ACAN: variants seen among roughly 807,000 people sequenced by gnomAD.
ACAN encodes aggrecan.
A neutral mutation model predicts 169.1 loss-of-function variants in ACAN; 47 were observed. That is an observed-to-expected ratio of 0.28 (90% CI 0.22 to 0.35). The LOEUF (loss-of-function observed/expected upper bound fraction) is 0.35. Ranked by LOEUF, ACAN falls within the 10% of genes least tolerant of loss-of-function variation. ACAN has a pLI of 1.00. For missense variants in ACAN, 2,716 were observed against 2,759.9 expected, an observed-to-expected ratio of 0.98 and a Z score of 0.36; for synonymous variants, 1,115 against 1,112.2, an observed-to-expected ratio of 1.00 and a Z score of -0.05.
At chr15:88,813,829 C>T (rs985770078) in intron 1 of ACAN, among the ~76,000 whole-genome samples, 1 of 151,566 alleles carries the variant, frequency 6.6e-6, no homozygotes, top group African/African-American at 2.4e-5. Flanking sequence ...CACCTCTTCT[C>T]AGCCACTAGG....
chr15:88,874,840 T>C lies in ACAN; in HGVS notation c.*359T>C, dbSNP rs1380795577. 2.2e-5 allele frequency: 8 copies of C among 364,430 alleles called. No individual in the cohort carries two copies. The highest frequency in any genetic ancestry group is 4.3e-5 in the Non-Finnish European group (8 of 187,476). 22.6% of individuals were successfully genotyped at this position (364,430 alleles called of 1,614,324 possible). On this transcript the variant is annotated 3_prime_UTR_variant, in exon 19 of 19. Coordinates refer to ENST00000560601, the MANE Select transcript of ACAN (RefSeq NM_001369268.1). The surrounding 1 kb of genome is among the most constrained non-coding windows in gnomAD (Gnocchi z 7.3). ...GAAGATTATTTTTGTTTCCTGACTT[T>C]ATCCAAGAGCAGTGCAATCGTTGGT...
chr15:88,874,865 T>C lies in ACAN; in HGVS notation c.*384T>C. The C allele has an allele frequency of 2.8e-6, 1 of 352,812 alleles. No homozygotes were observed. The highest frequency in any genetic ancestry group is 5.5e-6 in the Non-Finnish European group (1 of 180,398). 21.9% of individuals were successfully genotyped at this position (352,812 alleles called of 1,614,324 possible). On this transcript the variant is annotated 3_prime_UTR_variant, in exon 19 of 19. Coordinates refer to ENST00000560601, the MANE Select transcript of ACAN (RefSeq NM_001369268.1). This position sits in a 1 kb window ranked among gnomAD's most constrained non-coding sequence, Gnocchi z 7.3. ...TATCCAAGAGCAGTGCAATCGTTGG[T>C]TATTTCACCTCCAGGGAGAGCTAGG...
chr15:88,845,740 CG>C lies in ACAN; in HGVS notation c.1288del (p.Ala430LeufsTer36). ...FAPEIGATAF[A>X]EVENETGEAT... ...CCCCTGAAATAGGGGCCACTGCCTT[CG>C]CTGAGGTTGAGAATGAGACTGGAGA... On this transcript the variant is annotated frameshift_variant, in exon 7 of 19. Coordinates refer to ENST00000560601, the MANE Select transcript of ACAN (RefSeq NM_001369268.1). LOFTEE classifies it high-confidence loss of function. 6.2e-7 allele frequency: 1 copy of C among 1,613,546 alleles called. No individual in the cohort carries two copies. The highest frequency in any genetic ancestry group is 2.2e-5 in the East Asian group (1 of 44,870).
At position 88,840,099 on chromosome 15, in the gene ACAN, T is replaced by A. The variant is rs199602867; in HGVS notation, c.542T>A (p.Ile181Asn). 94 of 1,605,382 alleles carry A rather than the reference T, an allele frequency of 5.9e-5. No individual in the cohort carries two copies. Among genetic ancestry groups the A allele is most frequent in the Non-Finnish European group, 7.9e-5 (93 of 1,176,056 alleles). Residue 181 changes from isoleucine to asparagine, a missense_variant, in exon 4 of 19, where the codon ATC becomes AAC. Physicochemically the swap from Ile to Asn is moderately radical, Grantham distance 149. Transcript: ENST00000560601. ...CGGGCCTGCCTGCAGAACAGTGCCA[T>A]CATTGCCACGCCTGAGCAGCTGCAG... ...AQRACLQNSAIIATPEQLQAA... is the reference protein window; with the variant it reads ...AQRACLQNSANIATPEQLQAA...
Position 88,858,823 on chromosome 15 carries a change from A to C in ACAN, c.6238A>C (p.Ser2080Arg). 1.2e-6 allele frequency: 2 copies of C among 1,613,764 alleles called. No homozygotes were observed. The highest frequency in any genetic ancestry group is 1.7e-6 in the Non-Finnish European group (2 of 1,179,820). Residue 2080 changes from serine to arginine, a missense_variant, in exon 12 of 19, where the codon AGT becomes CGT. Coordinates refer to ENST00000560601, the MANE Select transcript of ACAN (RefSeq NM_001369268.1). This position sits in a 1 kb window ranked among gnomAD's most constrained non-coding sequence, Gnocchi z 4.0. ...SGKVSTAGDI[S>R]GATPVLPGSG... ...AAAAGTCTCCACAGCTGGGGACATT[A>C]GTGGAGCTACCCCAGTGCTCCCTGG... is the stretch of plus-strand genomic sequence containing the variant.
At chr15:88,854,389 T>G (rs147849924) in intron 11 of ACAN, among the ~76,000 whole-genome samples, 3,647 of 152,222 alleles carry the variant, frequency 0.024, 68 homozygotes, top group Middle Eastern at 0.037. Flanking sequence ...TCCCAGAGGG[T>G]GCTCTTGCTG....
Position 88,845,836 on chromosome 15 carries a change from C to T in ACAN, c.1383C>T (p.Leu461=), listed in dbSNP as rs371505346. 5 of 1,497,888 alleles carry T rather than the reference C, an allele frequency of 3.3e-6. No individual in the cohort carries two copies. The highest frequency in any genetic ancestry group is 2.2e-5 in the Admixed American group (1 of 44,466). The allele number at this position is 1,497,888 out of a possible 1,614,324, so 92.8% of individuals were successfully genotyped here. A position where few individuals can be genotyped will look rare whatever the true frequency, so the allele number is the denominator to read the frequency against. The change falls in exon 7 of 19, where the codon CTC becomes CTT. Residue 461 remains leucine, a synonymous_variant. Coordinates refer to ENST00000560601, the MANE Select transcript of ACAN (RefSeq NM_001369268.1). ...GPATAFTSED[L]VVQVTAVPGQ... The stretch of plus-strand genomic sequence containing the variant: ...CCACGGCATTCACCAGTGAGGACCT[C>T]GTCGTGCAGGTGACCGCTGTCCCTG...
intron 1 of ACAN, among the ~76,000 whole-genome samples, chr15:88,819,930 G>C (rs1266086257): frequency 1.3e-5 from 2 of 152,106 alleles, no homozygotes; most frequent in East Asian, 1.9e-4. Context: ...AGCTTTTGGA[G>C]TCAGACCAAT....
intron 7 of ACAN, 131 bp downstream of exon 7, chr15:88,846,013 A>T (rs987616881): frequency 1.9e-6 from 2 of 1,031,902 alleles, no homozygotes; most frequent in Non-Finnish European, 2.6e-6. Context: ...CTCCTCTCAG[A>T]CCTTATTCTC....
In ACAN at chr15:88,855,221, A is replaced by T. The variant is rs1266378954; in HGVS notation, c.2636A>T (p.His879Leu). 1.2e-6 allele frequency: 2 copies of T among 1,604,272 alleles called. No homozygotes were observed. The highest frequency in any genetic ancestry group is 2.2e-5 in the East Asian group (1 of 44,626). The change falls in exon 12 of 19, where the codon CAC (histidine) becomes CTC (leucine). Residue 879 changes from histidine (H) to leucine (L), a missense_variant. By Grantham distance (99) the His-to-Leu change is moderately conservative. Around this residue, in one of 3 missense-constraint regions of ACAN, gnomAD observed 1,283 missense variants for 1,281.5 expected, o/e 1.00. Coordinates refer to ENST00000560601, the MANE Select transcript of ACAN (RefSeq NM_001369268.1). ...ACAGGCAGTGGAGATGTTTCAGGAC[A>T]CCTTGACTTCAGTGGGCAGCTGTCA... is the stretch of plus-strand genomic sequence containing the variant. The part of the protein sequence containing the change: ...DFTGSGDVSG[H>L]LDFSGQLSGD...
chr15:88,873,901 C>T lies in ACAN; in HGVS notation c.7507C>T (p.Arg2503Trp), dbSNP rs766292185. The stretch of plus-strand genomic sequence containing the variant: ...CAGGACCTTCGGGCAGAAGAAGGAC[C>T]GGTATGAGATCAATTCCCTGGTGCG... ...HARTFGQKKDRYEINSLVRYQ... is the reference protein window; with the variant it reads ...HARTFGQKKDWYEINSLVRYQ... Residue 2503 changes from arginine to tryptophan, a missense_variant, in exon 18 of 19, where the codon CGG becomes TGG. Arg to Trp is a moderately radical substitution (Grantham distance 101). This residue lies in a region of ACAN where 1,389 missense variants were observed against 1,363.7 expected (regional missense o/e 1.02). Coordinates refer to ENST00000560601, the MANE Select transcript of ACAN (RefSeq NM_001369268.1). The surrounding 1 kb of genome is among the most constrained non-coding windows in gnomAD (Gnocchi z 7.5). 5.9e-5 allele frequency: 95 copies of T among 1,613,700 alleles called. 1 individual carries two copies. The highest frequency in any genetic ancestry group is 7.4e-5 in the Non-Finnish European group (87 of 1,179,900).
rs766995595 is a variant in ACAN at position 88,838,842 on chromosome 15, G to T, written c.250G>T (p.Val84Leu). The change falls in exon 3 of 19, where the codon GTA becomes TTA. Residue 84 changes from valine (V) to leucine (L), a missense_variant. Val to Leu is a conservative substitution (Grantham distance 32, BLOSUM62 1). Coordinates refer to ENST00000560601, the MANE Select transcript of ACAN (RefSeq NM_001369268.1). The surrounding 1 kb of genome is among the most constrained non-coding windows in gnomAD (Gnocchi z 5.1). ...GAGCCGTGTGTCCAAGGAGAAGGAG[G>T]TAGTGCTGCTGGTGGCCACTGAAGG... ...KWSRVSKEKE[V>L]VLLVATEGRV... is the part of the protein sequence containing the mutation. The T allele has an allele frequency of 6.2e-7, 1 of 1,614,032 alleles. No individual in the cohort carries two copies. The highest frequency in any genetic ancestry group is 1.7e-5 in the Admixed American group (1 of 60,030).
chr15:88,815,032 A>G, intron 1 of ACAN, among the ~76,000 whole-genome samples: 1 of 92,356 alleles, frequency 1.1e-5, no homozygotes, highest in African/African-American at 5.1e-5. Flanking sequence ...GGACCCCAGA[A>G]AAAAAAAAAA....
At chr15:88,810,697 C>T (rs967862787) in intron 1 of ACAN, among the ~76,000 whole-genome samples, 6 of 152,160 alleles carry the variant, frequency 3.9e-5, no homozygotes, top group Admixed American at 1.3e-4. Flanking sequence ...TTAGAGTTAG[C>T]CTTCAGTCCC....
Position 88,866,691 on chromosome 15 carries a change from T to G in ACAN, c.6947-1525T>G, listed in dbSNP as rs1897285543. Among the ~76,000 whole-genome samples, 1 of 152,176 alleles carries G rather than the reference T, an allele frequency of 6.6e-6. No homozygotes were observed. The highest frequency in any genetic ancestry group is 2.4e-5 in the African/African-American group (1 of 41,434). Reference sequence around the variant, plus strand: ...AGCTGGGGATTTTCAGGCCACCTGTTGCACAAATCCGCCTCTGGCCTAGAA... The same window carrying G: ...AGCTGGGGATTTTCAGGCCACCTGTGGCACAAATCCGCCTCTGGCCTAGAA... On this transcript the variant is annotated intron_variant, in intron 13 of 18. Coordinates refer to ENST00000560601, the MANE Select transcript of ACAN (RefSeq NM_001369268.1). This position sits in a 1 kb window ranked among gnomAD's most constrained non-coding sequence, Gnocchi z 5.6.
At position 88,840,177 on chromosome 15, in the gene ACAN, A is replaced by G; in HGVS notation, c.620A>G (p.Gln207Arg). 6.3e-7 allele frequency: 1 copy of G among 1,597,902 alleles called. No individual in the cohort carries two copies. Among genetic ancestry groups the G allele is most frequent in the Non-Finnish European group, 8.5e-7 (1 of 1,173,946 alleles). Residue 207 changes from glutamine (Q) to arginine (R), a missense_variant, in exon 4 of 19, where the codon CAG becomes CGG. Physicochemically the swap from Gln to Arg is conservative, Grantham distance 43. This residue lies in a region of ACAN where 1,283 missense variants were observed against 1,281.5 expected (regional missense o/e 1.00). Transcript: ENST00000560601. ...HQCDAGWLAD[Q>R]TVRYPIHTPR... ...TGTGACGCCGGCTGGCTGGCTGACC[A>G]GACTGTCAGGTGAGCCCTAGCCCAT...
chr15:88,834,090 A>G (rs985475022), intron 1 of ACAN, among the ~76,000 whole-genome samples: 6 of 152,184 alleles, frequency 3.9e-5, no homozygotes, highest in African/African-American at 1.4e-4. Context: ...AGAGCCCCTC[A>G]TGGTGCCACA....
At chr15:88,847,450 A>G in intron 8 of ACAN, 33 bp downstream of exon 8, 1 of 1,522,770 alleles carries the variant, frequency 6.6e-7, no homozygotes, top group Non-Finnish European at 8.9e-7. Context: ...GCCCAAACCC[A>G]ATTGAAGAGG....
chr15:88,844,194 G>A (rs1896739042), intron 6 of ACAN, among the ~76,000 whole-genome samples: 1 of 151,882 alleles, frequency 6.6e-6, no homozygotes, highest in Non-Finnish European at 1.5e-5. Context: ...GAGTTCAGTG[G>A]TGTAATCATA....
Sources: allele counts gnomAD v4.1 joint callset (sites outside exome capture counted in the v4.1 genomes callset), GRCh38; gene constraint gnomAD v4.1.1; regional missense constraint gnomAD v4.1.1; non-coding constraint Gnocchi (gnomAD v3.1); transcripts MANE v1.5; gene names NCBI Gene and HGNC (gene_info 2026-07-23, HGNC 2026-07-21).